TECR: variants seen among roughly 807,000 people sequenced by gnomAD.
The protein encoded by TECR is trans-2,3-enoyl-CoA reductase, also known as very-long-chain enoyl-CoA reductase.
In TECR, 19 loss-of-function variants were observed where a neutral mutation model predicts 50.6. The ratio of observed to expected loss-of-function variants is 0.38; its 90% confidence interval spans 0.26 to 0.55. The LOEUF (loss-of-function observed/expected upper bound fraction) is 0.55. Ranked by LOEUF, TECR falls within the 20% of genes least tolerant of loss-of-function variation. The pLI, the probability that TECR is intolerant of heterozygous loss-of-function variation, is 0.79. For synonymous variants in TECR, 168 were observed against 163.5 expected (o/e 1.03, Z -0.21); for missense variants, 313 against 408.3 (o/e 0.77, Z 2.01).
intron 1 of TECR, among the ~76,000 whole-genome samples, chr19:14,547,994 C>T (rs1167128917): frequency 5.5e-5 from 8 of 145,254 alleles, no homozygotes; most frequent in African/African-American, 1.8e-4. Flanking sequence ...GACGGAGTCT[C>T]GCTCTGTCAC....
At chr19:14,548,422 C>T (rs1455903892) in intron 1 of TECR, among the ~76,000 whole-genome samples, 5 of 152,172 alleles carry the variant, frequency 3.3e-5, no homozygotes, top group African/African-American at 1.2e-4. Context: ...GTCCAAATGT[C>T]AGCACATCCC....
At chr19:14,556,338 T>C (rs2073720014) in intron 1 of TECR, among the ~76,000 whole-genome samples, 1 of 151,694 alleles carries the variant, frequency 6.6e-6, no homozygotes. Context: ...CAAATGGCCA[T>C]CCTCTTGGAG....
chr19:14,549,846 G>A (rs956759328), intron 1 of TECR, among the ~76,000 whole-genome samples: 1 of 151,966 alleles, frequency 6.6e-6, no homozygotes, highest in African/African-American at 2.4e-5. Flanking sequence ...AGGAGGCTGA[G>A]GCAGGAGAAT....
intron 1 of TECR, among the ~76,000 whole-genome samples, chr19:14,540,026 C>G (rs2073042553): frequency 6.6e-6 from 1 of 151,578 alleles, no homozygotes; most frequent in Non-Finnish European, 1.5e-5. Context: ...ATTACAGGTA[C>G]CCGCCACCAT....
chr19:14,547,832 G>GT (rs201720177), intron 1 of TECR, among the ~76,000 whole-genome samples: 194 of 148,582 alleles, frequency 1.3e-3, no homozygotes, highest in Non-Finnish European at 2.1e-3. Context: ...GGCTACTTTT[G>GT]TTTTTTTTTG....
At chr19:14,551,164 C>G (rs2073490559) in intron 1 of TECR, among the ~76,000 whole-genome samples, 1 of 151,926 alleles carries the variant, frequency 6.6e-6, no homozygotes, top group Admixed American at 6.6e-5. Flanking sequence ...CTCCACCTCC[C>G]AGGTTCATAA....
At position 14,563,432 on chromosome 19, in the gene TECR, G is replaced by A. The variant is rs546257217; in HGVS notation, c.118+175G>A. The stretch of plus-strand genomic sequence containing the variant: ...CCTCCACGTGGCACTCCGCAGGAAC[G>A]CCCTTGCTAGGCTCTGGGAAGGACA... On this transcript the variant is annotated intron_variant, in intron 3 of 12. Transcript: ENST00000215567. The surrounding 1 kb of genome is among the most constrained non-coding windows in gnomAD (Gnocchi z 5.3). 8.6e-6 allele frequency: 7 copies of A among 811,226 alleles called. No homozygotes were observed. The highest frequency in any genetic ancestry group is 4.7e-5 in the South Asian group (3 of 64,504). 50.3% of individuals were successfully genotyped at this position (811,226 alleles called of 1,614,324 possible).
intron 1 of TECR, 38 bp downstream of exon 1, chr19:14,529,749 G>T: frequency 6.2e-7 from 1 of 1,613,876 alleles, no homozygotes; most frequent in South Asian, 1.1e-5. Flanking sequence ...GGCCACTGCT[G>T]ACCCATTCTT....
intron 1 of TECR, among the ~76,000 whole-genome samples, chr19:14,541,829 C>G (rs2073105632): frequency 6.6e-6 from 1 of 150,430 alleles, no homozygotes; most frequent in Admixed American, 6.6e-5. Flanking sequence ...GTCACCAAGG[C>G]TGGAGTGCAA....
intron 1 of TECR, among the ~76,000 whole-genome samples, chr19:14,561,561 G>A (rs948106759): frequency 6.6e-6 from 1 of 152,178 alleles, no homozygotes; most frequent in African/African-American, 2.4e-5. Context: ...GGGCTTTAGT[G>A]GGGCGCAGGT....
intron 1 of TECR, among the ~76,000 whole-genome samples, chr19:14,543,095 A>G (rs2073157101): frequency 2.1e-5 from 3 of 145,360 alleles, no homozygotes; most frequent in Admixed American, 7.0e-5. Context: ...TGGGGGTGGG[A>G]AGTTAACACA....
chr19:14,560,121 A>G (rs1044583156), intron 1 of TECR, among the ~76,000 whole-genome samples: 1 of 151,504 alleles, frequency 6.6e-6, no homozygotes, highest in Non-Finnish European at 1.5e-5. Context: ...CTCTCTCGCT[A>G]CCCCCTCCTG....
chr19:14,541,137 A>G (rs898638804), intron 1 of TECR, among the ~76,000 whole-genome samples: 10 of 151,852 alleles, frequency 6.6e-5, no homozygotes, highest in Non-Finnish European at 1.0e-4. Flanking sequence ...GTGCCTGGCT[A>G]ATTTTTAAAG....
At chr19:14,551,977 CTCT>C (rs2073538064) in intron 1 of TECR, among the ~76,000 whole-genome samples, 1 of 111,234 alleles carries the variant, frequency 9.0e-6, no homozygotes, top group Non-Finnish European at 1.8e-5. Context: ...CTCTCTTTCT[CTCT>C]TTTTTTTTTT....
At chr19:14,544,474 T>C (rs944924478) in intron 1 of TECR, among the ~76,000 whole-genome samples, 1 of 152,012 alleles carries the variant, frequency 6.6e-6, no homozygotes, top group African/African-American at 2.4e-5. Context: ...AGGACGAGGA[T>C]GCTTGCATGA....
chr19:14,533,032 G>A (rs1031390863), intron 1 of TECR, among the ~76,000 whole-genome samples: 1 of 151,982 alleles, frequency 6.6e-6, no homozygotes, highest in Admixed American at 6.6e-5. Context: ...AGAATCACTT[G>A]AAGCTGGGAG....
chr19:14,551,934 TCTCC>T (rs1437295610), intron 1 of TECR, among the ~76,000 whole-genome samples: 4 of 108,926 alleles, frequency 3.7e-5, no homozygotes, highest in Admixed American at 8.9e-5. Flanking sequence ...TCCCTCTCTC[TCTCC>T]CTCCCTCCCT....
chr19:14,561,495 C>CA (rs2073900576), intron 1 of TECR, among the ~76,000 whole-genome samples: 1 of 152,178 alleles, frequency 6.6e-6, no homozygotes, highest in South Asian at 2.1e-4. Flanking sequence ...GAGGGCTGGG[C>CA]CAGACTCCTA....
chr19:14,562,274 T>TCGCGCTTGCC (rs1173706812), intron 1 of TECR: 2 of 607,570 alleles, frequency 3.3e-6, no homozygotes, highest in Non-Finnish European at 5.9e-6. Context: ...CAGAATTTGA[T>TCGCGCTTGCC]CGCGCTTGCC....
Sources: gnomAD v4.1 joint callset for allele counts (sites outside exome capture counted in the v4.1 genomes callset) on GRCh38, gnomAD v4.1.1 for gene constraint, Gnocchi (gnomAD v3.1) non-coding constraint, MANE v1.5 for transcripts, NCBI Gene and HGNC (gene_info 2026-07-23, HGNC 2026-07-21) for gene names.